Variants in PACSIN2 observed in about 807,000 individuals in gnomAD.
PACSIN2 encodes the protein protein kinase C and casein kinase substrate in neurons 2, also known as protein kinase C and casein kinase substrate in neurons protein 2.
PACSIN2 carries 25 observed loss-of-function variants against 63.8 expected under a neutral mutation model. The observed-to-expected ratio is 0.39, with a 90% CI of 0.29 to 0.55. PACSIN2 has a LOEUF of 0.55. Among genes scored for constraint, PACSIN2 ranks in the 20% least tolerant of loss-of-function variants. The pLI is 0.62. For synonymous variants in PACSIN2, 255 were observed against 256.2 expected (o/e 1.00, Z 0.05); for missense variants, 518 against 646.9 (o/e 0.80, Z 2.16).
chr22:42,962,162 C>A (rs951214297), intron 1 of PACSIN2, among the ~76,000 whole-genome samples: 4 of 149,258 alleles, frequency 2.7e-5, no homozygotes. Flanking sequence ...GTTCCCTCCC[C>A]CAAGCCAGGA....
At position 42,982,878 on chromosome 22, in the gene PACSIN2, A is replaced by AAAAACAAAAAAC. The variant is rs1555943629; in HGVS notation, c.-78+32142_-78+32143insGTTTTTTGTTTT. Among the ~76,000 whole-genome samples the AAAAACAAAAAAC allele has an allele frequency of 3.9e-3, 513 of 132,458 alleles. 12 individuals carry two copies. Among genetic ancestry groups the AAAAACAAAAAAC allele is most frequent in the African/African-American group, 0.014 (484 of 34,700 alleles). 86.9% of individuals were successfully genotyped at this position (132,458 alleles called of 152,430 possible). A position where few individuals can be genotyped will look rare whatever the true frequency, so the allele number is the denominator to read the frequency against. On this transcript the variant is annotated intron_variant, in intron 1 of 10. Transcript: ENST00000263246. ...ACCAAAGAATGATCAATAAAAAAAA[A>AAAAACAAAAAAC]AAAAAAAAAAAACAACAACAAGGCT...
intron 1 of PACSIN2, chr22:42,959,818 G>T (rs558645007): frequency 1.3e-5 from 2 of 152,332 alleles, no homozygotes; most frequent in African/African-American, 4.8e-5. Flanking sequence ...TCAGATGCCG[G>T]CTAACTCTGC....
intron 1 of PACSIN2, among the ~76,000 whole-genome samples, chr22:42,919,352 A>G (rs1284429988): frequency 6.6e-6 from 1 of 152,204 alleles, no homozygotes; most frequent in Non-Finnish European, 1.5e-5. Flanking sequence ...AAGAATTTTG[A>G]GAAAGTGCAA....
intron 5 of PACSIN2, among the ~76,000 whole-genome samples, chr22:42,886,713 G>C (rs1929514970): frequency 6.6e-6 from 1 of 152,174 alleles, no homozygotes; most frequent in Non-Finnish European, 1.5e-5. Flanking sequence ...CGTCAAGAAG[G>C]GTGGTGGGGA....
At chr22:42,891,806 C>G (rs1929935840) in intron 3 of PACSIN2, among the ~76,000 whole-genome samples, 1 of 152,334 alleles carries the variant, frequency 6.6e-6, no homozygotes, top group East Asian at 1.9e-4. Flanking sequence ...AAGGGGGGAC[C>G]TTCTGAAGTG....
intron 1 of PACSIN2, among the ~76,000 whole-genome samples, chr22:42,923,718 C>T (rs1169644319): frequency 6.6e-6 from 1 of 152,176 alleles, no homozygotes; most frequent in Non-Finnish European, 1.5e-5. Flanking sequence ...TGAGCCACTG[C>T]GCCCGGCCTC....
At chr22:42,982,037 G>A (rs1423991036) in intron 1 of PACSIN2, among the ~76,000 whole-genome samples, 24 of 113,000 alleles carry the variant, frequency 2.1e-4, no homozygotes, top group African/African-American at 4.9e-4. Context: ...CGCCCCGTCC[G>A]GGAGGTGAGG....
At chr22:42,932,014 T>C (rs1364314004) in intron 1 of PACSIN2, among the ~76,000 whole-genome samples, 2 of 152,192 alleles carry the variant, frequency 1.3e-5, no homozygotes, top group Admixed American at 1.3e-4. Flanking sequence ...AATACTCAAA[T>C]CATGTCACTT....
At chr22:42,922,627 G>A (rs1932270109) in intron 1 of PACSIN2, among the ~76,000 whole-genome samples, 1 of 152,218 alleles carries the variant, frequency 6.6e-6, no homozygotes, top group Non-Finnish European at 1.5e-5. Flanking sequence ...CTATCTGGGG[G>A]GAGATTCTTC....
At chr22:42,977,173 A>T (rs1337391836) in intron 1 of PACSIN2, among the ~76,000 whole-genome samples, 1 of 151,940 alleles carries the variant, frequency 6.6e-6, no homozygotes, top group African/African-American at 2.4e-5. Flanking sequence ...ACATTTTTAC[A>T]AAGAAATAGA....
intron 3 of PACSIN2, among the ~76,000 whole-genome samples, chr22:42,892,033 C>T (rs566032087): frequency 2.0e-5 from 3 of 152,220 alleles, no homozygotes; most frequent in Non-Finnish European, 4.4e-5. Flanking sequence ...GGAAGCCCAT[C>T]CTGCAGGAGG....
rs141184922 is a variant in PACSIN2 at position 42,968,742 on chromosome 22, T to C, written c.-78+46279A>G. Among the ~76,000 whole-genome samples, 652 of 152,252 alleles carry C rather than the reference T, an allele frequency of 4.3e-3. 7 individuals carry two copies. Among genetic ancestry groups the C allele is most frequent in the African/African-American group, 0.015 (634 of 41,538 alleles). On this transcript the variant is annotated intron_variant, in intron 1 of 10. Transcript: ENST00000263246. ...AGAACAAAAACAGGAAAAGGGCAAA[T>C]GTGTCTATCAATGTCCTGGAGCTGG...
chr22:42,938,684 G>T (rs1250510354), intron 1 of PACSIN2, among the ~76,000 whole-genome samples: 7 of 152,192 alleles, frequency 4.6e-5, no homozygotes, highest in Non-Finnish European at 8.8e-5. Context: ...ATTCCGGTGT[G>T]TGCTACCCGT....
chr22:42,880,234 A>C (rs954960220), intron 7 of PACSIN2, among the ~76,000 whole-genome samples: 1 of 152,226 alleles, frequency 6.6e-6, no homozygotes, highest in Non-Finnish European at 1.5e-5. Flanking sequence ...CAGATTAGGA[A>C]ACTGAGGCCC....
At chr22:42,896,654 T>C (rs1930309860) in intron 2 of PACSIN2, among the ~76,000 whole-genome samples, 1 of 152,192 alleles carries the variant, frequency 6.6e-6, no homozygotes, top group Admixed American at 6.5e-5. Context: ...TACCTAGGAA[T>C]GGAAATGTTA....
At chr22:42,958,927 C>A (rs1188491430) in intron 1 of PACSIN2, among the ~76,000 whole-genome samples, 1 of 152,078 alleles carries the variant, frequency 6.6e-6, no homozygotes, top group Admixed American at 6.5e-5. Flanking sequence ...TAAAGGGGAG[C>A]CACTGTTTTT....
chr22:43,003,096 G>C (rs149892825), intron 1 of PACSIN2, among the ~76,000 whole-genome samples: 9 of 152,150 alleles, frequency 5.9e-5, no homozygotes, highest in African/African-American at 1.9e-4. Flanking sequence ...CAGAGACAAC[G>C]TACCTCTCTT....
intron 2 of PACSIN2, among the ~76,000 whole-genome samples, chr22:42,894,112 C>T (rs1377765093): frequency 6.6e-6 from 1 of 152,232 alleles, no homozygotes; most frequent in East Asian, 1.9e-4. Context: ...AGGTGTTTTA[C>T]ACCTCCAAAT....
intron 1 of PACSIN2, among the ~76,000 whole-genome samples, chr22:42,920,793 CTTTTTTTTTT>C (rs745822264): frequency 9.0e-5 from 7 of 77,670 alleles, no homozygotes; most frequent in African/African-American, 3.0e-4. Flanking sequence ...AATTATCACA[CTTTTTTTTTT>C]TTTTTTTTTT....
Sources: allele counts gnomAD v4.1 joint callset (sites outside exome capture counted in the v4.1 genomes callset), GRCh38; gene constraint gnomAD v4.1.1; transcripts MANE v1.5; gene names NCBI Gene and HGNC (gene_info 2026-07-23, HGNC 2026-07-21).